The following KLHL13 variants were observed in gnomAD, a reference collection of about 807,000 sequenced individuals.
KLHL13 encodes the protein kelch like family member 13, also known as kelch-like protein 13.
A neutral mutation model predicts 37.1 loss-of-function variants in KLHL13; 10 were observed. That is an observed-to-expected ratio of 0.27 (90% CI 0.17 to 0.46). The LOEUF is 0.46. Among genes scored for constraint, KLHL13 ranks in the 20% least tolerant of loss-of-function variants. The pLI, the probability that KLHL13 is intolerant of heterozygous loss-of-function variation, is 1.00. For missense variants in KLHL13, 360 were observed against 509.3 expected, an observed-to-expected ratio of 0.71 and a Z score of 2.82; for synonymous variants, 163 against 181.2, an observed-to-expected ratio of 0.90 and a Z score of 0.81.
intron 1 of KLHL13, among the ~76,000 whole-genome samples, chrX:117,953,025 T>C (rs1933709579): frequency 9.0e-6 from 1 of 111,168 alleles, no homozygotes. Context: ...GAACTAGAAA[T>C]ACCATTTGAC....
chrX:118,067,355 A>G lies in KLHL13; in HGVS notation c.-56+49153T>C, dbSNP rs188265132. On this transcript the variant is annotated intron_variant, in intron 1 of 6. Transcript: ENST00000371882. ...GTTGGTTGCTCTGAGTGAGTCAGTA[A>G]GTGAGTGGTAAGTGAATGTGAAGGC... Among the ~76,000 whole-genome samples the G allele has an allele frequency of 1.5e-3, 169 of 111,791 alleles. 2 individuals are homozygous for G. The highest frequency in any genetic ancestry group is 5.3e-3 in the African/African-American group (164 of 30,824).
chrX:117,924,746 G>A (rs746359259), intron 2 of KLHL13, among the ~76,000 whole-genome samples: 5 of 109,922 alleles, frequency 4.5e-5, no homozygotes, highest in Admixed American at 2.9e-4. Flanking sequence ...ATTTAAGAGG[G>A]GTTTGTCTGT....
chrX:117,990,963 A>G (rs1396578374), intron 1 of KLHL13, among the ~76,000 whole-genome samples: 2 of 110,328 alleles, frequency 1.8e-5, no homozygotes, highest in Non-Finnish European at 3.8e-5. Flanking sequence ...ATAAAAGACA[A>G]TGGGGTTCCC....
chrX:118,032,329 T>G (rs1036913370), intron 1 of KLHL13, among the ~76,000 whole-genome samples: 4 of 112,129 alleles, frequency 3.6e-5, no homozygotes, highest in Non-Finnish European at 5.6e-5. Flanking sequence ...CTCTACAGAC[T>G]TAAATGTCCC....
chrX:117,918,327 G>T (rs1458822390), intron 4 of KLHL13, among the ~76,000 whole-genome samples: 2 of 111,352 alleles, frequency 1.8e-5, no homozygotes, highest in African/African-American at 6.5e-5. Context: ...AGATAGTTAA[G>T]TACCTTAATA....
At chrX:118,052,416 G>A (rs898211673) in intron 1 of KLHL13, among the ~76,000 whole-genome samples, 4 of 107,556 alleles carry the variant, frequency 3.7e-5, no homozygotes, top group African/African-American at 1.0e-4. Flanking sequence ...CCAGCTAGGC[G>A]GGAGGCTGAG....
intron 1 of KLHL13, among the ~76,000 whole-genome samples, chrX:118,070,948 T>G (rs1283173719): frequency 6.1e-5 from 6 of 98,238 alleles, no homozygotes; most frequent in Non-Finnish European, 1.2e-4. Flanking sequence ...GATGTTCCCC[T>G]TCCTGTGTCC....
rs189560267 is a variant in KLHL13, at chrX:117,986,544, G to T, written c.-55-40969C>A. On this transcript the variant is annotated intron_variant, in intron 1 of 6. Coordinates refer to the KLHL13 transcript ENST00000371882. Reference sequence around the variant, plus strand: ...ATCAAGTAACTAAGCCTAGCACTAAGAACTCAGTACATACCGGCCAACCTA... The same window carrying T: ...ATCAAGTAACTAAGCCTAGCACTAATAACTCAGTACATACCGGCCAACCTA... Among the ~76,000 whole-genome samples the T allele has an allele frequency of 1.3e-4, 14 of 111,801 alleles. No homozygotes were observed. In the East Asian group the frequency reaches 2.6e-3, roughly 20 times the overall value.
intron 1 of KLHL13, among the ~76,000 whole-genome samples, chrX:118,036,622 C>T (rs2054445265): frequency 8.9e-6 from 1 of 111,760 alleles, no homozygotes; most frequent in Non-Finnish European, 1.9e-5. Context: ...AAATGTTAGA[C>T]CCAAAACCAT....
chrX:118,090,049 C>T (rs1353454429), intron 1 of KLHL13, among the ~76,000 whole-genome samples: 24 of 99,611 alleles, frequency 2.4e-4, no homozygotes, highest in Non-Finnish European at 1.4e-4. Context: ...CCACTTCACT[C>T]CAGCCTGGGC....
chrX:117,910,154 G>T, intron 4 of KLHL13, 58 bp from the exon 6 acceptor site: 1 of 829,087 alleles, frequency 1.2e-6, no homozygotes, highest in South Asian at 2.6e-5. Context: ...ATCACATCTT[G>T]ATAGCACAAA....
At chrX:117,938,487 A>T (rs73595659) in intron 2 of KLHL13, among the ~76,000 whole-genome samples, 2,997 of 111,260 alleles carry the variant, frequency 0.027, 101 homozygotes, top group African/African-American at 0.092. Context: ...GTTTTTTATT[A>T]AAAAATTCTG....
At chrX:118,097,290 C>A in intron 1 of KLHL13, among the ~76,000 whole-genome samples, 1 of 104,021 alleles carries the variant, frequency 9.6e-6, no homozygotes, top group Middle Eastern at 4.8e-3. Flanking sequence ...CTATAACAGA[C>A]AAACAGAGAA....
At chrX:118,099,168 C>T (rs2055253794) in intron 1 of KLHL13, among the ~76,000 whole-genome samples, 1 of 110,694 alleles carries the variant, frequency 9.0e-6, no homozygotes, top group African/African-American at 3.3e-5. Context: ...CAGAAGGGTA[C>T]ATAAGGTTAA....
intron 1 of KLHL13, among the ~76,000 whole-genome samples, chrX:117,998,592 T>A (rs991929937): frequency 9.0e-6 from 1 of 111,438 alleles, no homozygotes; most frequent in Non-Finnish European, 1.9e-5. Flanking sequence ...CCAGACATTA[T>A]TGGAGAGGGC....
intron 1 of KLHL13, among the ~76,000 whole-genome samples, chrX:118,045,429 C>T (rs1420204894): frequency 2.8e-5 from 3 of 108,785 alleles, no homozygotes; most frequent in Non-Finnish European, 5.7e-5. Flanking sequence ...ATAGACATTT[C>T]TCAAAAGAAG....
intron 1 of KLHL13, among the ~76,000 whole-genome samples, chrX:118,084,030 C>G (rs2055026858): frequency 9.0e-6 from 1 of 110,739 alleles, no homozygotes; most frequent in African/African-American, 3.3e-5. Flanking sequence ...TCAAGAAAAT[C>G]AAAATGTGGG....
intron 1 of KLHL13, among the ~76,000 whole-genome samples, chrX:117,983,128 G>A (rs1045894599): frequency 1.8e-5 from 2 of 111,727 alleles, no homozygotes; most frequent in Admixed American, 1.9e-4. Context: ...AGGCATCTGT[G>A]GTCCAACTGC....
intron 1 of KLHL13, among the ~76,000 whole-genome samples, chrX:118,027,666 C>T (rs1315143311): frequency 9.1e-6 from 1 of 110,456 alleles, no homozygotes; most frequent in East Asian, 2.8e-4. Context: ...CACACACACA[C>T]ACACACTTTC....
Sources: allele counts gnomAD v4.1 joint callset (sites outside exome capture counted in the v4.1 genomes callset), GRCh38; gene constraint gnomAD v4.1.1; transcripts MANE v1.5; gene names NCBI Gene and HGNC (gene_info 2026-07-23, HGNC 2026-07-21).